Variants in WDFY4 observed in about 807,000 individuals in gnomAD.
WDFY4 encodes WD repeat- and FYVE domain-containing protein 4.
Under a neutral mutation model 351.9 loss-of-function variants are expected in WDFY4, and 169 were observed. The ratio of observed to expected loss-of-function variants is 0.48; its 90% CI spans 0.42 to 0.55. The LOEUF is 0.55. Among genes scored for constraint, WDFY4 ranks in the 20% least tolerant of loss-of-function variants. The pLI is 0.00. For missense variants in WDFY4, 3,803 were observed against 3,935.6 expected, an observed-to-expected ratio of 0.97 and a Z score of 0.90; for synonymous variants, 1,622 against 1,574.6, an observed-to-expected ratio of 1.03 and a Z score of -0.71.
rs535726802 is a variant in WDFY4, at chr10:48,818,395, G to A, written c.5505+986G>A. Among the ~76,000 whole-genome samples, 16 of 152,270 alleles carry A rather than the reference G, an allele frequency of 1.1e-4. No individual in the cohort carries two copies. The South Asian group carries it at 2.7e-3, about 26-fold the overall frequency. ...TAATCTTTTCCAGAAGCATACCCAT[G>A]GCGGCAGCCTCCATCTCCTGAAACT... On this transcript the variant is annotated intron_variant, in intron 32 of 61. Coordinates refer to ENST00000325239, the MANE Select transcript of WDFY4 (RefSeq NM_001394531.1).
At chr10:48,863,880 A>AG (rs2069437863) in intron 39 of WDFY4, among the ~76,000 whole-genome samples, 1 of 152,186 alleles carries the variant, frequency 6.6e-6, no homozygotes, top group Non-Finnish European at 1.5e-5. Context: ...CTTCTTCACA[A>AG]GGTGGTGGGA....
intron 47 of WDFY4, among the ~76,000 whole-genome samples, chr10:48,912,217 C>A (rs1390428023): frequency 1.3e-5 from 2 of 152,214 alleles, no homozygotes; most frequent in African/African-American, 4.8e-5. Flanking sequence ...TAACTGGCAC[C>A]ACTGTTCAAA....
At chr10:48,788,191 C>T (rs1262743576) in intron 20 of WDFY4, among the ~76,000 whole-genome samples, 1 of 151,848 alleles carries the variant, frequency 6.6e-6, no homozygotes, top group African/African-American at 2.4e-5. Context: ...CCATGCCCAG[C>T]TGATTTTTTG....
At chr10:48,930,214 G>A (rs1326905797) in intron 47 of WDFY4, among the ~76,000 whole-genome samples, 1 of 152,192 alleles carries the variant, frequency 6.6e-6, no homozygotes, top group Non-Finnish European at 1.5e-5. Flanking sequence ...ATAGCTGAGA[G>A]TCAGCTGCTA....
Position 48,832,657 on chromosome 10 carries a change from C to G in WDFY4, c.6611C>G (p.Ala2204Gly). 1 of 1,550,860 alleles carries G rather than the reference C, an allele frequency of 6.4e-7. No individual in the cohort carries two copies. Among genetic ancestry groups the G allele is most frequent in the East Asian group, 2.4e-5 (1 of 40,890 alleles). ...TTGTGGAGTGGAAGCCTGTCCTCAG[C>G]CATGAAGCTGATGCCCGGGCGGCAG... ...VTLWSGSLSS[A>G]MKLMPGRQAK... is the part of the protein sequence containing the mutation. The change falls in exon 39 of 62, where the codon GCC becomes GGC. Residue 2204 changes from alanine to glycine, a missense_variant. By Grantham distance (60) the Ala-to-Gly change is moderately conservative. This residue lies in a region of WDFY4 where 3,054 missense variants were observed against 3,148.6 expected (regional missense o/e 0.97). Transcript: ENST00000325239.
intron 7 of WDFY4, among the ~76,000 whole-genome samples, chr10:48,727,917 A>G (rs1032682295): frequency 2.6e-5 from 4 of 152,182 alleles, no homozygotes; most frequent in African/African-American, 9.7e-5. Context: ...TCAGAACCCA[A>G]ACAGAAGCCC....
At chr10:48,845,660 C>A (rs953879978) in intron 39 of WDFY4, among the ~76,000 whole-genome samples, 1 of 152,162 alleles carries the variant, frequency 6.6e-6, no homozygotes, top group Non-Finnish European at 1.5e-5. Flanking sequence ...GTATCCTATC[C>A]AGTTCATCTT....
chr10:48,805,951 C>G, intron 26 of WDFY4, 53 bp from the exon 27 acceptor site: 1 of 1,483,382 alleles, frequency 6.7e-7, no homozygotes, highest in Non-Finnish European at 9.2e-7. Flanking sequence ...ATGTACTCAG[C>G]GGACTCAGTT....
intron 54 of WDFY4, among the ~76,000 whole-genome samples, chr10:48,964,547 A>T (rs922043021): frequency 6.6e-6 from 1 of 152,360 alleles, no homozygotes; most frequent in Admixed American, 6.5e-5. Context: ...GAATTACACT[A>T]ACAGCAGTCA....
rs1326135698 is a variant in WDFY4 at position 48,958,589 on chromosome 10, A to G, written c.8132-1133A>G. Among the ~76,000 whole-genome samples, 3 of 152,168 alleles carry G rather than the reference A, an allele frequency of 2.0e-5. No individual in the cohort carries two copies. In the East Asian group the frequency reaches 5.8e-4, roughly 29 times the overall value. On this transcript the variant is annotated intron_variant, in intron 52 of 61. Transcript: ENST00000325239. ...GAGAACAAGTGGTTATTGAGCACCT[A>G]CTGTATATAGGGACCTTTTTTTTTA...
chr10:48,899,595 C>T (rs1411749862), intron 45 of WDFY4, among the ~76,000 whole-genome samples: 1 of 152,058 alleles, frequency 6.6e-6, no homozygotes, highest in African/African-American at 2.4e-5. Flanking sequence ...TTATAGGTAA[C>T]TCACTCTATC....
chr10:48,802,880 C>T (rs2067131894), intron 24 of WDFY4: 4 of 480,914 alleles, frequency 8.3e-6, no homozygotes, highest in South Asian at 6.2e-5. Context: ...GACTGTCACT[C>T]AGCTGGTCTG....
chr10:48,689,279 C>A (rs527393610), intron 1 of WDFY4, among the ~76,000 whole-genome samples: 2 of 152,300 alleles, frequency 1.3e-5, no homozygotes, highest in South Asian at 4.1e-4. Flanking sequence ...GGCTGCCAGT[C>A]CCCTTTGAGG....
At chr10:48,715,516 T>C (rs2063879080) in intron 2 of WDFY4, among the ~76,000 whole-genome samples, 1 of 152,254 alleles carries the variant, frequency 6.6e-6, no homozygotes, top group Admixed American at 6.5e-5. Flanking sequence ...GAGTTTGTGA[T>C]GTTGAGTATG....
At chr10:48,845,513 T>G (rs766673618) in intron 39 of WDFY4, among the ~76,000 whole-genome samples, 36 of 152,080 alleles carry the variant, frequency 2.4e-4, no homozygotes, top group Non-Finnish European at 4.1e-4. Flanking sequence ...GAGCTTGATC[T>G]GAGACTTGGA....
chr10:48,958,785 G>C (rs753646227), intron 52 of WDFY4, among the ~76,000 whole-genome samples: 3 of 152,260 alleles, frequency 2.0e-5, no homozygotes, highest in Middle Eastern at 3.4e-3. Flanking sequence ...AAAATGGTTT[G>C]AGGATGACTC....
At chr10:48,963,744 G>A (rs1163645801) in intron 53 of WDFY4, 98 bp from the exon 54 acceptor site, 3 of 1,294,816 alleles carry the variant, frequency 2.3e-6, no homozygotes, top group Non-Finnish European at 3.2e-6. Context: ...TCTGTGCAGG[G>A]CCAGCACTCT....
intron 24 of WDFY4, among the ~76,000 whole-genome samples, chr10:48,797,586 A>G (rs1044275964): frequency 1.6e-4 from 24 of 147,008 alleles, no homozygotes; most frequent in Admixed American, 8.0e-4. Context: ...AAAAACATTT[A>G]AACATTTTCA....
chr10:48,838,711 C>T lies in WDFY4; in HGVS notation c.6663+6002C>T, dbSNP rs116221040. ...TCTCCTTATGACTTCCCACTTCCCC[C>T]CTATGCACTGAATAATTCTGAAGCA... On this transcript the variant is annotated intron_variant, in intron 39 of 61. Coordinates refer to ENST00000325239, the MANE Select transcript of WDFY4 (RefSeq NM_001394531.1). 4.3e-3 allele frequency among the ~76,000 whole-genome samples: 662 copies of T among 152,336 alleles called. 3 individuals are homozygous for T. The highest frequency in any genetic ancestry group is 0.015 in the African/African-American group (620 of 41,572).
Sources: allele counts gnomAD v4.1 joint callset (sites outside exome capture counted in the v4.1 genomes callset), GRCh38; gene constraint gnomAD v4.1.1; regional missense constraint gnomAD v4.1.1; transcripts MANE v1.5; gene names NCBI Gene and HGNC (gene_info 2026-07-23, HGNC 2026-07-21).